Variants in SH3YL1 observed in about 807,000 individuals in gnomAD.
SH3YL1 encodes the protein SH3 and SYLF domain containing 1, also known as SH3 domain-containing YSC84-like protein 1.
Under a neutral mutation model 45.8 loss-of-function variants are expected in SH3YL1, and 41 were observed. The ratio of observed to expected loss-of-function variants is 0.89; its 90% CI spans 0.70 to 1.16. The LOEUF (loss-of-function observed/expected upper bound fraction) is 1.16, where lower values mean the gene tolerates loss of function less well. Among genes scored for constraint, SH3YL1 ranks in the 50% most tolerant of loss-of-function variants. SH3YL1 has a pLI of 0.00. For missense variants in SH3YL1, 389 were observed against 409.6 expected (o/e 0.95, Z 0.43); for synonymous variants, 152 against 151.4 (o/e 1.00, Z -0.03).
intron 1 of SH3YL1, 113 bp from the exon 2 acceptor site, chr2:253,228 G>C (rs1217598440): frequency 2.6e-5 from 17 of 648,108 alleles, no homozygotes; most frequent in Non-Finnish European, 5.1e-6. Flanking sequence ...AAACCAGAGG[G>C]ACTCCATTTT....
chr2:249,933 A>C, intron 2 of SH3YL1, 89 bp from the exon 3 acceptor site: 1 of 904,478 alleles, frequency 1.1e-6, no homozygotes, highest in Non-Finnish European at 1.7e-6. Flanking sequence ...CAGTGTACAC[A>C]GAGGTTATCT....
At chr2:263,231 A>C (rs1305342434) in intron 1 of SH3YL1, 1 of 155,088 alleles carries the variant, frequency 6.4e-6, no homozygotes, top group African/African-American at 2.4e-5. Flanking sequence ...GCGGGGGGGC[A>C]GCTTCGTGTC....
In SH3YL1 at chr2:225,515, C is replaced by A. The variant is rs577580806; in HGVS notation, c.782-595G>T. ...TCTTAAGTGGCCTGTGCCCACACCC[C>A]CTTTTGCAGTCTCTGCGTACTCCTA... On this transcript the variant is annotated intron_variant, in intron 8 of 9. Coordinates refer to ENST00000356150, the MANE Select transcript of SH3YL1 (RefSeq NM_015677.4). Among the ~76,000 whole-genome samples the A allele has an allele frequency of 1.1e-3, 169 of 152,346 alleles. 1 individual carries two copies. The highest frequency in any genetic ancestry group is 3.7e-3 in the African/African-American group (155 of 41,582).
chr2:258,077 C>T (rs1009156946), intron 1 of SH3YL1, among the ~76,000 whole-genome samples: 3 of 152,144 alleles, frequency 2.0e-5, no homozygotes, highest in Non-Finnish European at 2.9e-5. Context: ...AGTTTGAAGT[C>T]GGGTAGCATG....
At chr2:264,702 C>G (rs1305509664), upstream of SH3YL1, 9 of 417,750 alleles carry the variant, frequency 2.2e-5, no homozygotes, top group East Asian at 4.1e-4. Context: ...CTCCGGACAA[C>G]CTGCAGCCCC....
At chr2:264,296 C>A (rs1669746554), upstream of SH3YL1, 1 of 356,684 alleles carries the variant, frequency 2.8e-6, no homozygotes, top group Non-Finnish European at 5.1e-6. Flanking sequence ...CCCAAGGCCG[C>A]CCTGGTCCGG....
chr2:253,852 T>C (rs988315812), intron 1 of SH3YL1, among the ~76,000 whole-genome samples: 10 of 152,154 alleles, frequency 6.6e-5, no homozygotes, highest in Non-Finnish European at 1.0e-4. Flanking sequence ...TACCACAGCA[T>C]AGCCTATCAA....
chr2:222,873 G>T (rs994818664), intron 9 of SH3YL1: 1 of 152,212 alleles, frequency 6.6e-6, no homozygotes, highest in Non-Finnish European at 1.5e-5. Context: ...CGGGCCCTGG[G>T]GCCATGTAAC....
At chr2:263,435 C>G (rs36216556) in intron 1 of SH3YL1, 1 of 156,334 alleles carries the variant, frequency 6.4e-6, no homozygotes, top group Non-Finnish European at 1.4e-5. Context: ...GACCCGTGCT[C>G]GCCGCGACCC....
intron 1 of SH3YL1, chr2:260,512 T>C (rs1669546122): frequency 6.6e-6 from 1 of 152,172 alleles, no homozygotes; most frequent in African/African-American, 2.4e-5. Context: ...GCTGCCAGAA[T>C]AACTTTTTCC....
chr2:243,535 C>CA (rs1302396683), intron 4 of SH3YL1: 34 of 1,541,340 alleles, frequency 2.2e-5, no homozygotes, highest in Non-Finnish European at 3.0e-5. Flanking sequence ...GGGCAATGCT[C>CA]AGAGGGAATA....
At chr2:254,503 G>C (rs1176724731) in intron 1 of SH3YL1, among the ~76,000 whole-genome samples, 1 of 152,198 alleles carries the variant, frequency 6.6e-6, no homozygotes, top group Non-Finnish European at 1.5e-5. Context: ...CAGGATGCCA[G>C]GATCTGGAAG....
chr2:234,058 G>T, intron 5 of SH3YL1, 102 bp downstream of exon 5: 1 of 826,666 alleles, frequency 1.2e-6, no homozygotes, highest in Non-Finnish European at 1.9e-6. Flanking sequence ...TAAATCTGGG[G>T]ATGTACAAAT....
chr2:238,742 T>C (rs1244894532), intron 4 of SH3YL1, among the ~76,000 whole-genome samples: 1 of 152,204 alleles, frequency 6.6e-6, no homozygotes, highest in African/African-American at 2.4e-5. Flanking sequence ...AGCATTGTCT[T>C]TCCTCAGACC....
intron 6 of SH3YL1, among the ~76,000 whole-genome samples, chr2:231,834 A>T (rs566134319): frequency 6.6e-6 from 1 of 152,338 alleles, no homozygotes; most frequent in Admixed American, 6.5e-5. Context: ...TGATTTTATA[A>T]GATGAATAGT....
Position 252,993 on chromosome 2 carries a change from C to T in SH3YL1, c.112+12G>A, listed in dbSNP as rs765042499. ...CATTTAGAGACAAACAGCACTCATCCTATTTACCTACCAGGAATGATCTTA... is the reference window on the plus strand; with the variant it reads ...CATTTAGAGACAAACAGCACTCATCTTATTTACCTACCAGGAATGATCTTA... On this transcript the variant is annotated intron_variant, in intron 2 of 9. Coordinates refer to ENST00000356150, the MANE Select transcript of SH3YL1 (RefSeq NM_015677.4). 10 of 1,451,686 alleles carry T rather than the reference C, an allele frequency of 6.9e-6. No homozygotes were observed. Among genetic ancestry groups the T allele is most frequent in the East Asian group, 2.5e-5 (1 of 40,442 alleles). 89.9% of individuals were successfully genotyped at this position (1,451,686 alleles called of 1,614,324 possible).
intron 1 of SH3YL1, chr2:256,106 G>C (rs1189581135): frequency 6.6e-6 from 1 of 152,214 alleles, no homozygotes; most frequent in Admixed American, 6.5e-5. Context: ...CCTCAGGTTA[G>C]TGCCAATCTG....
intron 5 of SH3YL1, among the ~76,000 whole-genome samples, chr2:233,503 A>G (rs1344901729): frequency 6.6e-6 from 1 of 152,236 alleles, no homozygotes; most frequent in African/African-American, 2.4e-5. Flanking sequence ...ATGTGTAAAT[A>G]TATTTTAAAA....
chr2:225,755 C>T (rs888413617), intron 8 of SH3YL1, among the ~76,000 whole-genome samples: 2 of 152,146 alleles, frequency 1.3e-5, no homozygotes, highest in Admixed American at 6.5e-5. Context: ...AAAATTGGTA[C>T]TTAAGTAGAA....
Sources: gnomAD v4.1 joint callset for allele counts (sites outside exome capture counted in the v4.1 genomes callset) on GRCh38, gnomAD v4.1.1 for gene constraint, MANE v1.5 for transcripts, NCBI Gene and HGNC (gene_info 2026-07-23, HGNC 2026-07-21) for gene names.